MRPS30: variants seen among roughly 807,000 people sequenced by gnomAD.
The protein encoded by MRPS30 is large ribosomal subunit protein mL65.
A neutral mutation model predicts 43.8 loss-of-function variants in MRPS30; 42 were observed. The ratio of observed to expected loss-of-function variants is 0.96; its 90% CI spans 0.75 to 1.24. The LOEUF is 1.24. MRPS30 is among the 50% of genes most tolerant of loss of function. MRPS30 has a pLI of 0.00. For synonymous variants in MRPS30, 273 were observed against 228.2 expected (o/e 1.20, Z -1.77); for missense variants, 638 against 570.0 (o/e 1.12, Z -1.22).
In MRPS30 at chr5:44,809,749, T is replaced by C. The variant is rs1742798669; in HGVS notation, c.601+186T>C. On this transcript the variant is annotated intron_variant, in intron 1 of 4. Coordinates refer to ENST00000507110, the MANE Select transcript of MRPS30 (RefSeq NM_016640.4). ...CTGCGTTAGGAATCTAGAGACTAGG[T>C]GTGTGTGGCTGCGCTAACACCTACC... is the stretch of plus-strand genomic sequence containing the variant. The C allele has an allele frequency of 1.3e-5, 8 of 629,984 alleles. No individual in the cohort carries two copies. The South Asian group carries it at 1.7e-4, about 13-fold the overall frequency. The allele number at this position is 629,984 out of a possible 1,614,324, so 39.0% of individuals were successfully genotyped here.
chr5:44,809,320 C>T lies in MRPS30; in HGVS notation c.358C>T (p.Pro120Ser), dbSNP rs939413082. The change falls in exon 1 of 5, where the codon CCG becomes TCG. Residue 120 changes from proline (P) to serine (S), a missense_variant. Pro to Ser is a moderately conservative substitution (Grantham distance 74). Coordinates refer to ENST00000507110, the MANE Select transcript of MRPS30 (RefSeq NM_016640.4). ...GACCGTGTTCCTGTCGGGTCTGCCG[C>T]CGCCCCCAGCGGAGCCCGAGCCCGA... ...TKTVFLSGLP[P>S]PPAEPEPEPE... 6 of 1,611,916 alleles carry T rather than the reference C, an allele frequency of 3.7e-6. No homozygotes were observed. The African/African-American group carries it at 8.0e-5, about 22-fold the overall frequency.
Position 44,808,955 on chromosome 5 carries a change from G to C in MRPS30, c.-8G>C, listed in dbSNP as rs746148942. The C allele has an allele frequency of 6.3e-5, 100 of 1,585,548 alleles. No homozygotes were observed. The highest frequency in any genetic ancestry group is 8.5e-5 in the Non-Finnish European group (99 of 1,167,622). The stretch of plus-strand genomic sequence containing the variant: ...AGTTGACCTCTGGGTCCGGAATCGC[G>C]GGCAAAGATGGCGGCGGCCAGGTGT... On this transcript the variant is annotated 5_prime_UTR_variant, in exon 1 of 5. Transcript: ENST00000507110.
rs1405680595 is a variant in MRPS30 at position 44,809,424 on chromosome 5, C to T, written c.462C>T (p.His154=). The change falls in exon 1 of 5, where the codon CAC becomes CAT. Residue 154 remains histidine (H), a synonymous_variant. Coordinates refer to ENST00000507110, the MANE Select transcript of MRPS30 (RefSeq NM_016640.4). ...AVACDCLLQE[H]FYLRRRRRVH... ...CCTGCGACTGCCTGCTGCAGGAGCA[C>T]TTCTACCTGCGGCGCAGGCGGCGCG... 5.0e-6 allele frequency: 8 copies of T among 1,613,454 alleles called. No individual in the cohort carries two copies. The highest frequency in any genetic ancestry group is 6.8e-6 in the Non-Finnish European group (8 of 1,179,818).
At chr5:44,812,390 A>G (rs778941406) in intron 3 of MRPS30, among the ~76,000 whole-genome samples, 43 of 152,268 alleles carry the variant, frequency 2.8e-4, no homozygotes, top group South Asian at 2.7e-3. Context: ...GTGGTAAGAT[A>G]AGGAATTCAC....
In MRPS30 at chr5:44,815,053, A is replaced by G. The variant is rs779551246; in HGVS notation, c.1171A>G (p.Asn391Asp). ...TQADQNNPRK[N>D]ICWGTQSKPL... ...AGCTGATCAAAATAACCCTCGTAAA[A>G]ATATATGTTGGGGTACACAAAGTAA... The change falls in exon 5 of 5, where the codon AAT becomes GAT. Residue 391 changes from asparagine to aspartate, a missense_variant. Transcript: ENST00000507110. 5 of 1,613,892 alleles carry G rather than the reference A, an allele frequency of 3.1e-6. No individual in the cohort carries two copies. In the Admixed American group the frequency reaches 8.3e-5, roughly 27 times the overall value.
intron 1 of MRPS30, chr5:44,809,849 T>A: frequency 2.5e-6 from 1 of 403,480 alleles, no homozygotes; most frequent in Non-Finnish European, 4.4e-6. Flanking sequence ...TTCAGCCAAA[T>A]GGAAGAGCAG....
intron 3 of MRPS30, 83 bp from the exon 4 acceptor site, chr5:44,813,023 A>G (rs1742867795): frequency 7.2e-7 from 1 of 1,396,720 alleles, no homozygotes; most frequent in South Asian, 1.3e-5. Flanking sequence ...AAAGAAGGAA[A>G]AAAAAGGCTC....
intron 2 of MRPS30, 121 bp downstream of exon 2, chr5:44,811,275 C>G: frequency 1.6e-6 from 2 of 1,214,880 alleles, no homozygotes; most frequent in Non-Finnish European, 2.3e-6. Flanking sequence ...TTTCAAGTTT[C>G]CTTTTTGAAG....
At chr5:44,813,995 A>T (rs1166115337) in intron 4 of MRPS30, among the ~76,000 whole-genome samples, 1 of 152,166 alleles carries the variant, frequency 6.6e-6, no homozygotes, top group Non-Finnish European at 1.5e-5. Flanking sequence ...AATGGCGAGG[A>T]GCTGCCTATG....
chr5:44,811,935 T>C lies in MRPS30; in HGVS notation c.768T>C (p.Ser256=), dbSNP rs1389724048. 6.3e-7 allele frequency: 1 copy of C among 1,586,956 alleles called. No individual in the cohort carries two copies. ...QLAEFVPLDY[S]VPIEIPTIKC... is the part of the protein sequence containing the mutation. Reference sequence around the variant, plus strand: ...TTAAGTTTGTGCCATTGGATTATTCTGTTCCTATAGAAATCCCCACTATAA... The same window carrying C: ...TTAAGTTTGTGCCATTGGATTATTCCGTTCCTATAGAAATCCCCACTATAA... The change falls in exon 3 of 5, where the codon TCT becomes TCC. Residue 256 remains serine, a synonymous_variant. Transcript: ENST00000507110.
Position 44,812,184 on chromosome 5 carries a change from C to T in MRPS30, c.853+164C>T, listed in dbSNP as rs1484920970. Among the ~76,000 whole-genome samples the T allele has an allele frequency of 1.1e-4, 16 of 152,040 alleles. 1 individual carries two copies. The highest frequency in any genetic ancestry group is 1.1e-3 in the Admixed American group (16 of 15,208). On this transcript the variant is annotated intron_variant, in intron 3 of 4. Transcript: ENST00000507110. Reference sequence around the variant, plus strand: ...CTCAGGTTATTACAACATGCATAAACACTGGAAAGAAAATATTAAGTTCAT... The same window carrying T: ...CTCAGGTTATTACAACATGCATAAATACTGGAAAGAAAATATTAAGTTCAT...
In MRPS30 at chr5:44,815,437, C is replaced by G; in HGVS notation, c.*235C>G. The G allele has an allele frequency of 2.7e-6, 1 of 368,946 alleles. No homozygotes were observed. Among genetic ancestry groups the G allele is most frequent in the Non-Finnish European group, 4.9e-6 (1 of 205,918 alleles). The allele number at this position is 368,946 out of a possible 1,614,324, so 22.9% of individuals were successfully genotyped here. ...ATTTGTATATTGCTAACTGATAAGACAAATTGAGTTATTGAGCTATTAAAT... is the reference window on the plus strand; with the variant it reads ...ATTTGTATATTGCTAACTGATAAGAGAAATTGAGTTATTGAGCTATTAAAT... On this transcript the variant is annotated 3_prime_UTR_variant, in exon 5 of 5. Coordinates refer to ENST00000507110, the MANE Select transcript of MRPS30 (RefSeq NM_016640.4).
rs1422940141 is a variant in MRPS30, at chr5:44,809,096, C to G, written c.134C>G (p.Pro45Arg). 6.2e-7 allele frequency: 1 copy of G among 1,611,422 alleles called. No homozygotes were observed. Among genetic ancestry groups the G allele is most frequent in the East Asian group, 2.2e-5 (1 of 44,812 alleles). ...GCGGCGACCCCCGTCGCGCGGTACC[C>G]GCCGATTGTGGCCTCCATGACAGCC... ...DVAATPVARY[P>R]PIVASMTADS... is the part of the protein sequence containing the mutation. Residue 45 changes from proline to arginine, a missense_variant, in exon 1 of 5, where the codon CCG (proline) becomes CGG (arginine). Pro to Arg is a moderately radical substitution (Grantham distance 103). Transcript: ENST00000507110.
chr5:44,813,369 A>G, intron 4 of MRPS30, 87 bp downstream of exon 4: 1 of 1,160,582 alleles, frequency 8.6e-7, no homozygotes, highest in Non-Finnish European at 1.2e-6. Flanking sequence ...TTGGGTTAAA[A>G]CATAGGTTGA....
rs1742871815 is a variant in MRPS30, at chr5:44,813,244, G to A, written c.992G>A (p.Ser331Asn). Residue 331 changes from serine (S) to asparagine (N), a missense_variant, in exon 4 of 5, where the codon AGC becomes AAC. Physicochemically the swap from Ser to Asn is conservative, Grantham distance 46 (BLOSUM62 1). Coordinates refer to ENST00000507110, the MANE Select transcript of MRPS30 (RefSeq NM_016640.4). ...GTTTTTAGAGCTAATGCTATTGCAA[G>A]CCTTTTTGCTTGGACTGGAGCACAA... ...EVVFRANAIA[S>N]LFAWTGAQAM... The A allele has an allele frequency of 2.5e-6, 4 of 1,609,610 alleles. No individual in the cohort carries two copies. The highest frequency in any genetic ancestry group is 3.4e-6 in the Non-Finnish European group (4 of 1,178,496).
In MRPS30 at chr5:44,809,227, A is replaced by G. The variant is rs1313881154; in HGVS notation, c.265A>G (p.Met89Val). The G allele has an allele frequency of 6.2e-6, 10 of 1,613,654 alleles. No individual in the cohort carries two copies. Among genetic ancestry groups the G allele is most frequent in the Non-Finnish European group, 8.5e-6 (10 of 1,179,910 alleles). Residue 89 changes from methionine to valine, a missense_variant, in exon 1 of 5, where the codon ATG becomes GTG. Physicochemically the swap from Met to Val is conservative, Grantham distance 21. Transcript: ENST00000507110. ...GCGAATCCTCACCAAGATGCAGTTT[A>G]TGAAGTACATGGTTTACCCGCAGAC... ...KLRILTKMQF[M>V]KYMVYPQTFA...
chr5:44,809,280 C>T lies in MRPS30; in HGVS notation c.318C>T (p.Tyr106=), dbSNP rs758360099. 3.1e-6 allele frequency: 5 copies of T among 1,613,434 alleles called. No individual in the cohort carries two copies. Among genetic ancestry groups the T allele is most frequent in the African/African-American group, 1.3e-5 (1 of 75,054 alleles). The change falls in exon 1 of 5, where the codon TAC becomes TAT. Residue 106 remains tyrosine (Y), a synonymous_variant. Coordinates refer to ENST00000507110, the MANE Select transcript of MRPS30 (RefSeq NM_016640.4). ...TCGCGCTGAATGCCGACCGCTGGTA[C>T]CAGTACTTCACCAAGACCGTGTTCC... ...QTFALNADRW[Y]QYFTKTVFLS... is the part of the protein sequence containing the mutation.
chr5:44,811,913 A>T lies in MRPS30; in HGVS notation c.748-2A>T, dbSNP rs752535118. The T allele has an allele frequency of 1.3e-6, 2 of 1,510,082 alleles. No homozygotes were observed. Among genetic ancestry groups the T allele is most frequent in the Non-Finnish European group, 1.8e-6 (2 of 1,116,484 alleles). The allele number at this position is 1,510,082 out of a possible 1,614,324, so 93.5% of individuals were successfully genotyped here. A position where few individuals can be genotyped will look rare whatever the true frequency, so the allele number is the denominator to read the frequency against. ...TTAGTATGTCTTTTCTTTTTCTTTAAGTTTGTGCCATTGGATTATTCTGTT... is the reference window on the plus strand; with the variant it reads ...TTAGTATGTCTTTTCTTTTTCTTTATGTTTGTGCCATTGGATTATTCTGTT... On this transcript the variant is annotated splice_acceptor_variant, in intron 2 of 4. Coordinates refer to ENST00000507110, the MANE Select transcript of MRPS30 (RefSeq NM_016640.4). LOFTEE classifies it high-confidence loss of function.
rs112901974 is a variant in MRPS30, at chr5:44,808,996, C to T, written c.34C>T (p.Arg12Cys). Residue 12 changes from arginine (R) to cysteine (C), a missense_variant, in exon 1 of 5, where the codon CGC becomes TGC. Arg to Cys is a radical substitution (Grantham distance 180). Coordinates refer to ENST00000507110, the MANE Select transcript of MRPS30 (RefSeq NM_016640.4). The part of the protein sequence containing the change: ...AAARCWRPLL[R>C]GPRLSLHTAA... ...GGCCAGGTGTTGGAGGCCTTTGCTA[C>T]GCGGTCCGAGGCTTTCATTGCACAC... is the stretch of plus-strand genomic sequence containing the variant. 1 of 1,607,900 alleles carries T rather than the reference C, an allele frequency of 6.2e-7. No individual in the cohort carries two copies. The highest frequency in any genetic ancestry group is 1.1e-5 in the South Asian group (1 of 90,332).
Sources: gnomAD v4.1 joint callset for allele counts (sites outside exome capture counted in the v4.1 genomes callset) on GRCh38, gnomAD v4.1.1 for gene constraint, MANE v1.5 for transcripts, NCBI Gene and HGNC (gene_info 2026-07-23, HGNC 2026-07-21) for gene names.